P3H2: variants seen among roughly 807,000 people sequenced by gnomAD.
P3H2 encodes the protein prolyl 3-hydroxylase 2, also known as leprecan-like 1.
P3H2 carries 80 observed loss-of-function variants against 87.0 expected under a neutral mutation model. The observed-to-expected ratio is 0.92, with a 90% CI of 0.77 to 1.11. P3H2 has a LOEUF of 1.11. Ranked by LOEUF, P3H2 falls within the 50% of genes least tolerant of loss-of-function variation. The pLI is 0.00. For synonymous variants in P3H2, 367 were observed against 359.3 expected (o/e 1.02, Z -0.24); for missense variants, 1,001 against 923.9 (o/e 1.08, Z -1.08).
intron 1 of P3H2, among the ~76,000 whole-genome samples, chr3:190,045,740 A>G (rs556445524): frequency 5.3e-5 from 8 of 151,728 alleles, no homozygotes; most frequent in African/African-American, 1.7e-4. Flanking sequence ...TAAGAATAGA[A>G]TTGAAACACC....
chr3:190,044,692 C>A (rs1379040840), intron 1 of P3H2, among the ~76,000 whole-genome samples: 1 of 152,134 alleles, frequency 6.6e-6, no homozygotes, highest in Non-Finnish European at 1.5e-5. Context: ...CAAGCTAGGA[C>A]AAAAACTATC....
At chr3:190,083,393 T>C (rs1042674526) in intron 1 of P3H2, among the ~76,000 whole-genome samples, 1 of 152,170 alleles carries the variant, frequency 6.6e-6, no homozygotes. Context: ...AAGACTCAAC[T>C]CCTGGTGTGT....
chr3:190,086,735 T>C (rs1727224693), intron 1 of P3H2, among the ~76,000 whole-genome samples: 1 of 152,132 alleles, frequency 6.6e-6, no homozygotes. Context: ...TCCATGAAGA[T>C]CTGAAAGAAC....
upstream of P3H2, among the ~76,000 whole-genome samples, chr3:190,121,372 GA>G (rs962514469): frequency 6.6e-5 from 10 of 151,462 alleles, no homozygotes; most frequent in Admixed American, 2.0e-4. Flanking sequence ...TAAATAAATA[GA>G]AAAAAAACCC....
chr3:190,084,446 C>A (rs1349488901), intron 1 of P3H2, among the ~76,000 whole-genome samples: 1 of 152,080 alleles, frequency 6.6e-6, no homozygotes, highest in Admixed American at 6.5e-5. Context: ...CATCTCTTGG[C>A]CAGAAGACAT....
intron 1 of P3H2, among the ~76,000 whole-genome samples, chr3:190,074,960 C>T (rs1726819532): frequency 6.6e-6 from 1 of 152,198 alleles, no homozygotes; most frequent in South Asian, 2.1e-4. Context: ...GGGATTTGCT[C>T]TCTAACTTTG....
Position 189,972,857 on chromosome 3 carries a change from T to C in P3H2, c.1699+17A>G. 1 of 1,613,944 alleles carries C rather than the reference T, an allele frequency of 6.2e-7. No homozygotes were observed. Among genetic ancestry groups the C allele is most frequent in the Non-Finnish European group, 8.5e-7 (1 of 1,179,834 alleles). On this transcript the variant is annotated intron_variant, in intron 11 of 14. Transcript: ENST00000319332. Reference sequence around the variant, plus strand: ...GTATTGTGGGTAAAAGGGAACCATTTCAGACTGCAATCTCACCAGACAGGG... The same window carrying C: ...GTATTGTGGGTAAAAGGGAACCATTCCAGACTGCAATCTCACCAGACAGGG...
At chr3:189,962,412 T>C (rs1722846708) in intron 14 of P3H2, among the ~76,000 whole-genome samples, 1 of 152,094 alleles carries the variant, frequency 6.6e-6, no homozygotes, top group African/African-American at 2.4e-5. Flanking sequence ...TGACCTCAGG[T>C]GATCCACCCA....
intron 8 of P3H2, among the ~76,000 whole-genome samples, chr3:189,980,657 G>T (rs1410818891): frequency 6.6e-6 from 1 of 152,158 alleles, no homozygotes; most frequent in Non-Finnish European, 1.5e-5. Flanking sequence ...TTAGGTATCT[G>T]ACGACTGGAC....
chr3:189,985,925 A>G (rs959119576), intron 6 of P3H2, among the ~76,000 whole-genome samples: 120 of 152,148 alleles, frequency 7.9e-4, no homozygotes, highest in Non-Finnish European at 1.5e-3. Flanking sequence ...AGCTATACAA[A>G]TGTAGAAATT....
chr3:190,030,539 G>C (rs1725220879), intron 1 of P3H2, among the ~76,000 whole-genome samples: 1 of 152,210 alleles, frequency 6.6e-6, no homozygotes, highest in African/African-American at 2.4e-5. Context: ...CTCGGCAAGA[G>C]AGTGAGACCC....
intron 14 of P3H2, among the ~76,000 whole-genome samples, chr3:189,960,253 T>G (rs527415206): frequency 6.6e-6 from 1 of 152,340 alleles, no homozygotes. Context: ...ATCAGTTGTC[T>G]TGTTCCATTT....
chr3:189,974,305 T>G, intron 9 of P3H2: 2 of 603,342 alleles, frequency 3.3e-6, no homozygotes, highest in Admixed American at 3.0e-5. Context: ...CTTTATATGA[T>G]AGGCAGGGAC....
chr3:189,993,972 G>A, intron 3 of P3H2, 122 bp downstream of exon 3: 1 of 789,832 alleles, frequency 1.3e-6, no homozygotes, highest in Non-Finnish European at 2.0e-6. Context: ...GGCTGGGATA[G>A]ACACATGAGA....
At chr3:190,109,252 T>C (rs944823188) in intron 1 of P3H2, among the ~76,000 whole-genome samples, 8 of 152,230 alleles carry the variant, frequency 5.3e-5, no homozygotes, top group Non-Finnish European at 8.8e-5. Flanking sequence ...CTTCTTCCTC[T>C]ATTTCTGTAT....
chr3:190,079,814 G>T (rs983392753), intron 1 of P3H2, among the ~76,000 whole-genome samples: 2 of 152,150 alleles, frequency 1.3e-5, no homozygotes, highest in Admixed American at 6.5e-5. Flanking sequence ...TTAAATACTG[G>T]CTATCATTTA....
In P3H2 at chr3:189,970,883, A is replaced by G. The variant is rs761904647; in HGVS notation, c.1826T>C (p.Leu609Pro). ...AYTFRDYSAL[L>P]YMNDDFEGGE... The stretch of plus-strand genomic sequence containing the variant: ...TCCTTCAAAGTCATCATTCATATAT[A>G]GGAGAGCACTATAAGAATGAAGAGA... The change falls in exon 13 of 15, where the codon CTA becomes CCA. Residue 609 changes from leucine to proline, a missense_variant. By Grantham distance (98) the Leu-to-Pro change is moderately conservative. Transcript: ENST00000319332. 1 of 1,546,904 alleles carries G rather than the reference A, an allele frequency of 6.5e-7. No individual in the cohort carries two copies. The highest frequency in any genetic ancestry group is 8.9e-7 in the Non-Finnish European group (1 of 1,118,824).
chr3:189,964,208 T>A (rs1722905986), intron 13 of P3H2, 110 bp from the exon 14 acceptor site: 2 of 1,000,062 alleles, frequency 2.0e-6, no homozygotes, highest in Admixed American at 3.6e-5. Flanking sequence ...AGGCGAAGAA[T>A]AAAGGAATCC....
At chr3:189,962,730 A>G (rs1722854926) in intron 14 of P3H2, among the ~76,000 whole-genome samples, 1 of 152,218 alleles carries the variant, frequency 6.6e-6, no homozygotes, top group Non-Finnish European at 1.5e-5. Context: ...GGTCTTTTGT[A>G]AAATATGTGA....
Sources: allele counts gnomAD v4.1 joint callset (sites outside exome capture counted in the v4.1 genomes callset), GRCh38; gene constraint gnomAD v4.1.1; transcripts MANE v1.5; gene names NCBI Gene and HGNC (gene_info 2026-07-23, HGNC 2026-07-21).